Variants in RAB5C observed in about 807,000 individuals in gnomAD.
RAB5C encodes the protein RAB5C, member RAS oncogene family.
Under a neutral mutation model 25.2 loss-of-function variants are expected in RAB5C, and 4 were observed. That is an observed-to-expected ratio of 0.16 (90% confidence interval 0.08 to 0.36). RAB5C has a LOEUF of 0.36. Ranked by LOEUF, RAB5C falls within the 10% of genes least tolerant of loss-of-function variation. The probability of loss-of-function intolerance (pLI) is 1.00; values close to 1 mark genes in which losing one functional copy is unlikely to be tolerated. For synonymous variants in RAB5C, 100 were observed against 106.4 expected (o/e 0.94, Z 0.37); for missense variants, 199 against 283.8 (o/e 0.70, Z 2.15).
chr17:42,143,015 C>T (rs1459579154), intron 1 of RAB5C, among the ~76,000 whole-genome samples: 1 of 152,152 alleles, frequency 6.6e-6, no homozygotes, highest in Non-Finnish European at 1.5e-5. Flanking sequence ...AGGTAAATTC[C>T]AAAGGAAAGA....
At position 42,126,786 on chromosome 17, in the gene RAB5C, T is replaced by G; in HGVS notation, c.504A>C (p.Ala168=). ...LLFMETSAKT[A]MNVNEIFMAI... Reference sequence around the variant, plus strand: ...CCATGAAGATTTCGTTCACGTTCATTGCAGTCTTTGCTGATGTCTCCATGA... The same window carrying G: ...CCATGAAGATTTCGTTCACGTTCATGGCAGTCTTTGCTGATGTCTCCATGA... Residue 168 remains alanine, a synonymous_variant, in exon 5 of 6, where the codon GCA becomes GCC. Coordinates refer to ENST00000346213, the MANE Select transcript of RAB5C (RefSeq NM_004583.4). 1 of 1,613,448 alleles carries G rather than the reference T, an allele frequency of 6.2e-7. No homozygotes were observed. The highest frequency in any genetic ancestry group is 8.5e-7 in the Non-Finnish European group (1 of 1,179,466).
intron 1 of RAB5C, among the ~76,000 whole-genome samples, chr17:42,151,958 C>T (rs1251412811): frequency 6.6e-6 from 1 of 152,058 alleles, no homozygotes; most frequent in Non-Finnish European, 1.5e-5. Flanking sequence ...ATTCATTTAA[C>T]GAACAAACCA....
intron 2 of RAB5C, among the ~76,000 whole-genome samples, chr17:42,129,600 C>T (rs2054465256): frequency 6.6e-6 from 1 of 152,194 alleles, no homozygotes; most frequent in South Asian, 2.1e-4. Context: ...GTCTGCCCTC[C>T]CCCAGCTCAC....
chr17:42,136,092 C>T (rs2054534029), intron 1 of RAB5C, among the ~76,000 whole-genome samples: 1 of 152,054 alleles, frequency 6.6e-6, no homozygotes, highest in Non-Finnish European at 1.5e-5. Context: ...AAAACAAAAT[C>T]AAACCAAAAA....
At chr17:42,153,355 T>C (rs186470605) in intron 1 of RAB5C, among the ~76,000 whole-genome samples, 22 of 152,194 alleles carry the variant, frequency 1.4e-4, no homozygotes, top group African/African-American at 5.1e-4. Context: ...AGGCAGAGGT[T>C]GCAGTGAGCC....
In RAB5C at chr17:42,137,940, A is replaced by G. The variant is rs942650168; in HGVS notation, c.-88-7350T>C. 5 of 152,208 alleles carry G rather than the reference A, an allele frequency of 3.3e-5. No homozygotes were observed. The East Asian group carries it at 5.6e-4, about 17-fold the overall frequency. The allele number at this position is 152,208 out of a possible 1,614,324, so 9.4% of individuals were successfully genotyped here. A position where few individuals can be genotyped will look rare whatever the true frequency, so the allele number is the denominator to read the frequency against. ...TACCTGAATTGGAAAAGACCAACGGAGAACAAAGATACCCAAATGTTAAAC... is the reference window on the plus strand; with the variant it reads ...TACCTGAATTGGAAAAGACCAACGGGGAACAAAGATACCCAAATGTTAAAC... On this transcript the variant is annotated intron_variant, in intron 1 of 5. Coordinates refer to ENST00000346213, the MANE Select transcript of RAB5C (RefSeq NM_004583.4).
rs770934544 is a variant in RAB5C, at chr17:42,147,140, AAGAAAGAGAGAGAG to A, written c.-89+7739_-89+7752del. The stretch of plus-strand genomic sequence containing the variant: ...AGAAAGAAACAGAAAGAAAGAAAGA[AAGAAAGAGAGAGAG>A]AGAGAGAGAGAGAGAGAAAGAAAGA... On this transcript the variant is annotated intron_variant, in intron 1 of 5. Transcript: ENST00000346213. Among the ~76,000 whole-genome samples the A allele has an allele frequency of 2.2e-3, 330 of 149,026 alleles. 1 individual carries two copies. The highest frequency in any genetic ancestry group is 3.6e-3 in the Non-Finnish European group (245 of 67,460).
intron 1 of RAB5C, among the ~76,000 whole-genome samples, chr17:42,143,332 C>T (rs1023441624): frequency 5.3e-5 from 8 of 152,156 alleles, no homozygotes; most frequent in African/African-American, 7.2e-5. Context: ...AACTCTGGCA[C>T]GAAATACACA....
chr17:42,133,634 G>C (rs2054508148), intron 1 of RAB5C, among the ~76,000 whole-genome samples: 1 of 152,216 alleles, frequency 6.6e-6, no homozygotes, highest in Non-Finnish European at 1.5e-5. Context: ...CTGGCAGAGA[G>C]AGAGTGAGCA....
chr17:42,129,794 T>C (rs566554781), intron 2 of RAB5C, among the ~76,000 whole-genome samples: 2 of 152,360 alleles, frequency 1.3e-5, no homozygotes, highest in Non-Finnish European at 2.9e-5. Context: ...TCTTGATGTG[T>C]GTGTTAGCCA....
At chr17:42,144,038 G>T (rs1001868489) in intron 1 of RAB5C, among the ~76,000 whole-genome samples, 2 of 152,058 alleles carry the variant, frequency 1.3e-5, no homozygotes, top group African/African-American at 4.8e-5. Context: ...CGCCCATCTT[G>T]GCTTCCCCAA....
chr17:42,128,544 C>T (rs1231189519), intron 3 of RAB5C, 105 bp downstream of exon 3: 1 of 536,872 alleles, frequency 1.9e-6, no homozygotes, highest in Non-Finnish European at 3.0e-6. Context: ...CACCCCCCAC[C>T]CAGGAACAGA....
intron 1 of RAB5C, chr17:42,131,598 AAT>A: frequency 6.5e-7 from 1 of 1,533,054 alleles, no homozygotes. Context: ...TCCCTTTTTC[AAT>A]AGAGACCTCA....
chr17:42,140,789 G>A (rs2079598820), intron 1 of RAB5C, among the ~76,000 whole-genome samples: 1 of 151,908 alleles, frequency 6.6e-6, no homozygotes, highest in South Asian at 2.1e-4. Context: ...GCCTCCCAAA[G>A]TGTTGGGATT....
intron 1 of RAB5C, among the ~76,000 whole-genome samples, chr17:42,146,948 C>T (rs749057605): frequency 6.6e-6 from 1 of 151,238 alleles, no homozygotes; most frequent in Admixed American, 6.6e-5. Context: ...TGCAGTGAGC[C>T]GAGATCGTAC....
chr17:42,139,444 C>T (rs560811777), intron 1 of RAB5C, among the ~76,000 whole-genome samples: 3 of 152,234 alleles, frequency 2.0e-5, no homozygotes, highest in African/African-American at 7.2e-5. Context: ...TAACAGCACA[C>T]CTCAGTCAGC....
intron 1 of RAB5C, among the ~76,000 whole-genome samples, chr17:42,151,479 G>T: frequency 6.6e-6 from 1 of 151,990 alleles, no homozygotes; most frequent in East Asian, 1.9e-4. Flanking sequence ...GTACTTGCTT[G>T]GTGGGGCTGA....
At chr17:42,130,073 A>G in intron 2 of RAB5C, 1 of 459,348 alleles carries the variant, frequency 2.2e-6, no homozygotes, top group Non-Finnish European at 3.8e-6. Context: ...GCCTCAGCCA[A>G]GGCCACACAG....
intron 1 of RAB5C, among the ~76,000 whole-genome samples, chr17:42,149,579 AAAAT>A (rs1384464207): frequency 6.6e-6 from 1 of 152,110 alleles, no homozygotes; most frequent in Non-Finnish European, 1.5e-5. Context: ...CCCTGTCTCA[AAAAT>A]AAATAAATTA....
Sources: allele counts gnomAD v4.1 joint callset (sites outside exome capture counted in the v4.1 genomes callset), GRCh38; gene constraint gnomAD v4.1.1; transcripts MANE v1.5; gene names NCBI Gene and HGNC (gene_info 2026-07-23, HGNC 2026-07-21).